The following EPHA6 variants were observed in gnomAD, a reference collection of about 807,000 sequenced individuals.
The protein encoded by EPHA6 is ephrin type-A receptor 6.
EPHA6 carries 50 observed loss-of-function variants against 112.0 expected under a neutral mutation model. The ratio of observed to expected loss-of-function variants is 0.45; its 90% CI spans 0.36 to 0.56. The LOEUF is 0.56. EPHA6 is among the 20% of genes least tolerant of loss of function. The pLI, the probability that EPHA6 is intolerant of heterozygous loss-of-function variation, is 0.00. For synonymous variants in EPHA6, 529 were observed against 490.7 expected, an observed-to-expected ratio of 1.08 and a Z score of -1.03; for missense variants, 1,280 against 1,417.4, an observed-to-expected ratio of 0.90 and a Z score of 1.56.
Position 96,890,800 on chromosome 3 carries a change from T to C in EPHA6, c.450+23911T>C, listed in dbSNP as rs117273557. Reference sequence around the variant, plus strand: ...ATCTATTAAATCTTAATACACACATTCCCAGTCAGATGTGGTGGCTCATGC... The same window carrying C: ...ATCTATTAAATCTTAATACACACATCCCCAGTCAGATGTGGTGGCTCATGC... On this transcript the variant is annotated intron_variant, in intron 2 of 17. Transcript: ENST00000389672. Among the ~76,000 whole-genome samples the C allele has an allele frequency of 3.3e-5, 5 of 152,250 alleles. No homozygotes were observed. In the East Asian group the frequency reaches 9.7e-4, roughly 29 times the overall value.
intron 5 of EPHA6, among the ~76,000 whole-genome samples, chr3:97,398,297 A>G (rs1175815023): frequency 6.6e-6 from 1 of 151,516 alleles, no homozygotes; most frequent in Non-Finnish European, 1.5e-5. Context: ...CAAAAATTGT[A>G]ATGAATTGAT....
At chr3:97,193,439 T>G (rs1468169156) in intron 3 of EPHA6, among the ~76,000 whole-genome samples, 5 of 152,098 alleles carry the variant, frequency 3.3e-5, no homozygotes, top group African/African-American at 1.2e-4. Flanking sequence ...TTTTTCAGAT[T>G]GTTTGCTACT....
chr3:97,380,062 G>T (rs1283470303), intron 5 of EPHA6, among the ~76,000 whole-genome samples: 1 of 152,100 alleles, frequency 6.6e-6, no homozygotes, highest in East Asian at 1.9e-4. Context: ...AACAATTCTA[G>T]CATATTGGTG....
Position 97,414,964 on chromosome 3 carries a change from G to A in EPHA6, c.1731+9690G>A, listed in dbSNP as rs190569744. Among the ~76,000 whole-genome samples the A allele has an allele frequency of 5.6e-3, 849 of 152,020 alleles. 5 individuals carry two copies. Among genetic ancestry groups the A allele is most frequent in the African/African-American group, 0.02 (818 of 41,510 alleles). ...AAGCTTTTGTATTTCATATTAAAATGGCCTGGAGAGCATTTTCTGATTGAC... is the reference window on the plus strand; with the variant it reads ...AAGCTTTTGTATTTCATATTAAAATAGCCTGGAGAGCATTTTCTGATTGAC... On this transcript the variant is annotated intron_variant, in intron 6 of 17. Coordinates refer to ENST00000389672, the MANE Select transcript of EPHA6 (RefSeq NM_001080448.3).
intron 11 of EPHA6, among the ~76,000 whole-genome samples, chr3:97,586,702 G>A (rs1193568314): frequency 6.7e-6 from 1 of 149,212 alleles, no homozygotes; most frequent in Non-Finnish European, 1.5e-5. Context: ...TGGATGGATA[G>A]ATGATGGATG....
intron 3 of EPHA6, among the ~76,000 whole-genome samples, chr3:97,081,409 C>T (rs1352814495): frequency 6.6e-6 from 1 of 151,824 alleles, no homozygotes; most frequent in East Asian, 1.9e-4. Flanking sequence ...TTTTTAAGAA[C>T]TACAGAAAGC....
chr3:96,845,163 A>G (rs931157543), intron 1 of EPHA6, among the ~76,000 whole-genome samples: 3 of 152,026 alleles, frequency 2.0e-5, no homozygotes, highest in African/African-American at 7.2e-5. Flanking sequence ...ATGATCAAAG[A>G]AGAAAATTAA....
At chr3:97,419,653 C>T (rs1175161033) in intron 6 of EPHA6, among the ~76,000 whole-genome samples, 1 of 151,520 alleles carries the variant, frequency 6.6e-6, no homozygotes. Context: ...AAGAATTTAA[C>T]AGAAGGAATA....
intron 14 of EPHA6, among the ~76,000 whole-genome samples, chr3:97,699,847 T>A (rs1157288299): frequency 3.3e-5 from 5 of 152,266 alleles, no homozygotes; most frequent in African/African-American, 1.2e-4. Context: ...AAATGTACTT[T>A]GTCTGAACTT....
chr3:97,388,101 G>T (rs2086178953), intron 5 of EPHA6, among the ~76,000 whole-genome samples: 1 of 152,086 alleles, frequency 6.6e-6, no homozygotes, highest in Non-Finnish European at 1.5e-5. Flanking sequence ...CAATATCAAG[G>T]ATTAGAGTTC....
intron 10 of EPHA6, among the ~76,000 whole-genome samples, chr3:97,517,436 C>T (rs1021313974): frequency 1.3e-5 from 2 of 151,680 alleles, no homozygotes; most frequent in African/African-American, 2.4e-5. Context: ...TATGATTAGA[C>T]GTCTGGGTTT....
chr3:97,085,949 A>ATATAT (rs2046885744), intron 3 of EPHA6, among the ~76,000 whole-genome samples: 1 of 143,310 alleles, frequency 7.0e-6, no homozygotes, highest in Admixed American at 7.0e-5. Flanking sequence ...ATATATATAT[A>ATATAT]CACACTGAGA....
chr3:97,700,372 C>T (rs1205491101), intron 14 of EPHA6, among the ~76,000 whole-genome samples: 3 of 152,114 alleles, frequency 2.0e-5, no homozygotes, highest in African/African-American at 4.8e-5. Context: ...TGCCAGATAC[C>T]ACATTCTTCA....
At chr3:96,944,325 C>CT (rs1224597020) in intron 2 of EPHA6, among the ~76,000 whole-genome samples, 99 of 147,404 alleles carry the variant, frequency 6.7e-4, no homozygotes, top group Middle Eastern at 3.5e-3. Context: ...ATATATTTCC[C>CT]TTTTTTTTTT....
chr3:96,946,766 G>A (rs2041286236), intron 2 of EPHA6, among the ~76,000 whole-genome samples: 1 of 152,138 alleles, frequency 6.6e-6, no homozygotes, highest in Non-Finnish European at 1.5e-5. Context: ...TTCCACAATG[G>A]TTGAACTAGT....
intron 3 of EPHA6, among the ~76,000 whole-genome samples, chr3:97,085,227 A>G (rs1302405830): frequency 6.6e-6 from 1 of 152,166 alleles, no homozygotes; most frequent in African/African-American, 2.4e-5. Flanking sequence ...GCACAGTCAT[A>G]ATACAAAACT....
At chr3:97,529,709 T>A (rs534055207) in intron 10 of EPHA6, among the ~76,000 whole-genome samples, 1 of 152,210 alleles carries the variant, frequency 6.6e-6, no homozygotes, top group African/African-American at 2.4e-5. Flanking sequence ...TACATTCTGT[T>A]ACTGAGCTTT....
intron 6 of EPHA6, among the ~76,000 whole-genome samples, chr3:97,409,330 A>G (rs1012448112): frequency 6.6e-5 from 10 of 152,258 alleles, no homozygotes; most frequent in Middle Eastern, 3.4e-3. Flanking sequence ...TTGACCAACT[A>G]TATGCCAGGT....
chr3:97,049,420 A>G (rs1349904547), intron 3 of EPHA6, among the ~76,000 whole-genome samples: 1 of 152,206 alleles, frequency 6.6e-6, no homozygotes, highest in African/African-American at 2.4e-5. Flanking sequence ...CCATAGAAAT[A>G]TTAGGAAGAA....
Sources: gnomAD v4.1 joint callset for allele counts (sites outside exome capture counted in the v4.1 genomes callset) on GRCh38, gnomAD v4.1.1 for gene constraint, MANE v1.5 for transcripts, NCBI Gene and HGNC (gene_info 2026-07-23, HGNC 2026-07-21) for gene names.